The following CLEC4F variants were observed in gnomAD, a reference collection of about 807,000 sequenced individuals.
CLEC4F encodes C-type lectin domain family 4 member F, also known as C-type (calcium dependent, carbohydrate-recognition domain) lectin, superfamily member 13.
CLEC4F carries 45 observed loss-of-function variants against 53.4 expected under a neutral mutation model. The observed-to-expected ratio is 0.84, with a 90% CI of 0.66 to 1.08. The LOEUF is 1.08. Ranked by LOEUF, CLEC4F falls within the 50% of genes least tolerant of loss-of-function variation. The probability of loss-of-function intolerance (pLI) is 0.00; values close to 1 mark genes in which losing one functional copy is unlikely to be tolerated. For missense variants in CLEC4F, 753 were observed against 698.2 expected (o/e 1.08, Z -0.88); for synonymous variants, 245 against 257.5 (o/e 0.95, Z 0.46).
At position 70,809,829 on chromosome 2, in the gene CLEC4F, A is replaced by G. The variant is rs150339964; in HGVS notation, c.1568T>C (p.Val523Ala). The change falls in exon 6 of 7, where the codon GTG becomes GCG. Residue 523 changes from valine to alanine, a missense_variant. By Grantham distance (64) the Val-to-Ala change is moderately conservative. Transcript: ENST00000272367. ...GTCAGTGAGACCGATCCAGTAGTAC[A>G]CTTTACTTGTGAACTCTACCAGAAA... ...QAFLVEFTSK[V>A]YYWIGLTDRG... 2,371 of 1,613,928 alleles carry G rather than the reference A, an allele frequency of 1.5e-3. 3 individuals carry two copies. Among genetic ancestry groups the G allele is most frequent in the Non-Finnish European group, 1.9e-3 (2,187 of 1,179,790 alleles).
chr2:70,817,463 T>C (rs1287597888), intron 3 of CLEC4F, among the ~76,000 whole-genome samples: 1 of 152,194 alleles, frequency 6.6e-6, no homozygotes, highest in Non-Finnish European at 1.5e-5. Flanking sequence ...GATTTTATCA[T>C]TTAGAGCTGT....
intron 5 of CLEC4F, among the ~76,000 whole-genome samples, chr2:70,812,207 C>T (rs1285160067): frequency 2.0e-5 from 3 of 152,214 alleles, no homozygotes; most frequent in Admixed American, 2.0e-4. Flanking sequence ...GGCCTTCCTC[C>T]CTGCTGATGT....
intron 1 of CLEC4F, 35 bp from the exon 2 acceptor site, chr2:70,819,926 G>A: frequency 6.9e-7 from 1 of 1,443,544 alleles, no homozygotes; most frequent in South Asian, 1.3e-5. Flanking sequence ...AGGTGAGAGG[G>A]TGCTGTGCAA....
In CLEC4F at chr2:70,816,478, C is replaced by G; in HGVS notation, c.903G>C (p.Gln301His). The G allele has an allele frequency of 6.2e-7, 1 of 1,614,196 alleles. No individual in the cohort carries two copies. Among genetic ancestry groups the G allele is most frequent in the Non-Finnish European group, 8.5e-7 (1 of 1,180,032 alleles). Residue 301 changes from glutamine to histidine, a missense_variant, in exon 4 of 7, where the codon CAG (glutamine) becomes CAC (histidine). Transcript: ENST00000272367. ...AACTGCTTTTTATAAAGGCCTGGGT[C>G]TGGGAGTTTAAAGCATTTGTGTTCT... is the stretch of plus-strand genomic sequence containing the variant. ...NLQNTNALNS[Q>H]TQAFIKSSFD... is the part of the protein sequence containing the mutation.
intron 3 of CLEC4F, 43 bp from the exon 4 acceptor site, chr2:70,817,155 T>C (rs781811090): frequency 1.6e-5 from 25 of 1,571,980 alleles, no homozygotes; most frequent in Middle Eastern, 1.8e-4. Context: ...AGGCCCATTA[T>C]GTAGGGTAGC....
At chr2:70,820,762 T>A (rs546784504), upstream of CLEC4F, among the ~76,000 whole-genome samples, 79 of 152,176 alleles carry the variant, frequency 5.2e-4, 1 homozygote, top group Admixed American at 5.2e-3. Flanking sequence ...ATTAGCACCT[T>A]CCCGTCAGTT....
intron 5 of CLEC4F, chr2:70,811,151 GA>G: frequency 1.4e-6 from 1 of 697,220 alleles, no homozygotes; most frequent in Non-Finnish European, 2.6e-6. Context: ...GCTATGCAAA[GA>G]AAAATCCATT....
chr2:70,809,797 T>C lies in CLEC4F; in HGVS notation c.1600A>G (p.Thr534Ala), dbSNP rs1676448645. ...YYWIGLTDRG[T>A]EGSWRWTDGT... is the part of the protein sequence containing the mutation. ...TCTGTCCAGCGCCAGGAGCCCTCTG[T>C]GCCCCTGTCAGTGAGACCGATCCAG... The change falls in exon 6 of 7, where the codon ACA (threonine) becomes GCA (alanine). Residue 534 changes from threonine (T) to alanine (A), a missense_variant. By Grantham distance (58) the Thr-to-Ala change is moderately conservative (BLOSUM62 0). Transcript: ENST00000272367. 2.5e-6 allele frequency: 4 copies of C among 1,614,058 alleles called. No homozygotes were observed. Among genetic ancestry groups the C allele is most frequent in the Non-Finnish European group, 2.5e-6 (3 of 1,180,002 alleles).
In CLEC4F at chr2:70,809,232, A is replaced by G; in HGVS notation, c.*39T>C. ...GCCCTAGGATGAGGACAGGGCTGGG[A>G]GAAGGAGTACCCTGAGGGTGTCTGT... On this transcript the variant is annotated 3_prime_UTR_variant, in exon 7 of 7. Coordinates refer to ENST00000272367, the MANE Select transcript of CLEC4F (RefSeq NM_173535.3). The G allele has an allele frequency of 6.2e-7, 1 of 1,606,810 alleles. No homozygotes were observed. The highest frequency in any genetic ancestry group is 2.2e-5 in the East Asian group (1 of 44,788).
intron 4 of CLEC4F, among the ~76,000 whole-genome samples, chr2:70,814,966 G>A (rs566663276): frequency 6.6e-6 from 1 of 152,242 alleles, no homozygotes; most frequent in South Asian, 2.1e-4. Context: ...AGCAGTGAGA[G>A]CTGGGAGGAA....
chr2:70,820,690 C>G (rs1417848015), upstream of CLEC4F: 4 of 610,696 alleles, frequency 6.5e-6, no homozygotes, highest in Non-Finnish European at 1.1e-5. Flanking sequence ...GAAACCCGCC[C>G]CAGTGGGCCC....
At chr2:70,809,991 A>G (rs1473948049) in intron 5 of CLEC4F, 134 bp from the exon 6 acceptor site, 2 of 656,308 alleles carry the variant, frequency 3.0e-6, no homozygotes, top group African/African-American at 3.6e-5. Context: ...ATTTTAAAAC[A>G]CTTTTATCTC....
chr2:70,812,360 A>G (rs1321050044), intron 5 of CLEC4F, 87 bp downstream of exon 5: 8 of 1,445,368 alleles, frequency 5.5e-6, no homozygotes, highest in South Asian at 1.3e-5. Context: ...TCTCCGTCAT[A>G]CCCACTGAGA....
chr2:70,815,332 C>G (rs188591642), intron 4 of CLEC4F, among the ~76,000 whole-genome samples: 9 of 152,150 alleles, frequency 5.9e-5, no homozygotes, highest in African/African-American at 1.9e-4. Flanking sequence ...CTTCCCTCCC[C>G]CTAGAAGATT....
chr2:70,809,915 C>A, intron 5 of CLEC4F, 58 bp from the exon 6 acceptor site: 1 of 1,115,064 alleles, frequency 9.0e-7, no homozygotes, highest in South Asian at 1.2e-5. Flanking sequence ...GTTTTCCAGG[C>A]CACCTGGAGA....
rs782265741 is a variant in CLEC4F at position 70,817,091 on chromosome 2, T to G, written c.290A>C (p.Glu97Ala). 1.2e-6 allele frequency: 2 copies of G among 1,609,198 alleles called. No individual in the cohort carries two copies. Among genetic ancestry groups the G allele is most frequent in the African/African-American group, 2.7e-5 (2 of 74,912 alleles). ...CTGGATAAGCTCTCGCATTTCTGCC[T>G]CCCTGCCAAAGTGGTGATGATCTGG... The part of the protein sequence containing the change: ...EPNNHHHFGR[E>A]AEMRELIQTF... The change falls in exon 4 of 7, where the codon GAG becomes GCG. Residue 97 changes from glutamate to alanine, a missense_variant. Glu to Ala is a moderately radical substitution (Grantham distance 107, BLOSUM62 -1). Coordinates refer to ENST00000272367, the MANE Select transcript of CLEC4F (RefSeq NM_173535.3).
rs1329208934 is a variant in CLEC4F at position 70,812,747 on chromosome 2, G to A, written c.1388-149C>T. The A allele has an allele frequency of 5.1e-6, 4 of 789,908 alleles. No individual in the cohort carries two copies. The East Asian group carries it at 1.0e-4, about 20-fold the overall frequency. The allele number at this position is 789,908 out of a possible 1,614,324, so 48.9% of individuals were successfully genotyped here. A position where few individuals can be genotyped will look rare whatever the true frequency, so the allele number is the denominator to read the frequency against. On this transcript the variant is annotated intron_variant, in intron 4 of 6. Coordinates refer to ENST00000272367, the MANE Select transcript of CLEC4F (RefSeq NM_173535.3). ...CAGTGCTCCAGGAGAAAGGCCTGGG[G>A]GGCTGCACTGCCATCTCACTACCCA...
chr2:70,811,978 T>TGACC lies in CLEC4F; in HGVS notation c.1539+465_1539+468dup, dbSNP rs1676593411. ...CTGTAGTCACAGCTACTTGGGGAGC[T>TGACC]GACCTACTCAGTGGGCTGAGGTGGG... On this transcript the variant is annotated intron_variant, in intron 5 of 6. Transcript: ENST00000272367. Among the ~76,000 whole-genome samples the TGACC allele has an allele frequency of 2.0e-5, 3 of 152,152 alleles. No homozygotes were observed. In the South Asian group the frequency reaches 6.2e-4, roughly 32 times the overall value.
At chr2:70,822,746 A>G (rs781952187), upstream of CLEC4F, among the ~76,000 whole-genome samples, 1 of 152,238 alleles carries the variant, frequency 6.6e-6, no homozygotes, top group Non-Finnish European at 1.5e-5. Context: ...ATATTACACC[A>G]TCATAGCAAC....
Sources: gnomAD v4.1 joint callset for allele counts (sites outside exome capture counted in the v4.1 genomes callset) on GRCh38, gnomAD v4.1.1 for gene constraint, MANE v1.5 for transcripts, NCBI Gene and HGNC (gene_info 2026-07-23, HGNC 2026-07-21) for gene names.